The following CASK variants were observed in gnomAD, a reference collection of about 807,000 sequenced individuals.
The protein encoded by CASK is peripheral plasma membrane protein CASK.
In CASK, 4 loss-of-function variants were observed where a neutral mutation model predicts 82.9. The ratio of observed to expected loss-of-function variants is 0.05; its 90% CI spans 0.02 to 0.11. CASK has a LOEUF of 0.11. Ranked by LOEUF, CASK falls within the 10% of genes least tolerant of loss-of-function variation. The pLI, the probability that CASK is intolerant of heterozygous loss-of-function variation, is 1.00. For missense variants in CASK, 358 were observed against 720.9 expected (o/e 0.50, Z 5.76); for synonymous variants, 259 against 253.5 (o/e 1.02, Z -0.20).
At chrX:41,845,829 T>A (rs1255512802) in intron 2 of CASK, among the ~76,000 whole-genome samples, 1 of 111,970 alleles carries the variant, frequency 8.9e-6, no homozygotes, top group African/African-American at 3.2e-5. Context: ...AAATAGATAT[T>A]TTATGGTGTT....
intron 11 of CASK, among the ~76,000 whole-genome samples, chrX:41,612,068 G>A (rs1383371555): frequency 4.5e-5 from 5 of 111,184 alleles, no homozygotes; most frequent in Non-Finnish European, 9.5e-5. Context: ...CCTCCCAGCC[G>A]CCTGCCTTGG....
chrX:41,885,464 C>T (rs189352157), intron 1 of CASK, among the ~76,000 whole-genome samples: 108 of 111,821 alleles, frequency 9.7e-4, no homozygotes, highest in African/African-American at 3.3e-3. Flanking sequence ...TCACAAAAAA[C>T]CTGTTTTTTT....
intron 5 of CASK, among the ~76,000 whole-genome samples, chrX:41,705,468 T>A (rs771247916): frequency 1.2e-4 from 13 of 111,247 alleles, no homozygotes; most frequent in Admixed American, 1.9e-4. Flanking sequence ...GGTGGGAGGA[T>A]CACTTGAGCC....
chrX:41,607,499 C>T (rs750055590), intron 12 of CASK, among the ~76,000 whole-genome samples: 1 of 112,277 alleles, frequency 8.9e-6, no homozygotes, highest in Non-Finnish European at 1.9e-5. Context: ...ATTGCACTAA[C>T]TAGTTCTAGT....
intron 1 of CASK, among the ~76,000 whole-genome samples, chrX:41,875,745 G>A (rs2071804226): frequency 9.0e-6 from 1 of 111,306 alleles, no homozygotes; most frequent in Non-Finnish European, 1.9e-5. Context: ...ACTTAAAATA[G>A]TGGAAACCAT....
intron 3 of CASK, among the ~76,000 whole-genome samples, chrX:41,751,887 TA>T (rs985319590): frequency 9.4e-6 from 1 of 106,682 alleles, no homozygotes; most frequent in Non-Finnish European, 1.9e-5. Flanking sequence ...CTACAAAAAA[TA>T]AAAAAAAATT....
At chrX:41,864,532 A>C (rs1454910241) in intron 1 of CASK, among the ~76,000 whole-genome samples, 4 of 111,814 alleles carry the variant, frequency 3.6e-5, no homozygotes, top group African/African-American at 6.5e-5. Context: ...GATAATCTAA[A>C]TTTTAGTATT....
intron 8 of CASK, among the ~76,000 whole-genome samples, chrX:41,645,035 T>C (rs1248126680): frequency 9.0e-6 from 1 of 111,469 alleles, no homozygotes; most frequent in African/African-American, 3.3e-5. Flanking sequence ...AATATTCTAT[T>C]ACCCTGTTAA....
intron 5 of CASK, among the ~76,000 whole-genome samples, chrX:41,713,891 T>A (rs1208395160): frequency 9.0e-6 from 1 of 111,652 alleles, no homozygotes; most frequent in Non-Finnish European, 1.9e-5. Context: ...ATTCTGCTGT[T>A]CTCCTAACGG....
intron 5 of CASK, chrX:41,727,111 G>C: frequency 8.5e-7 from 1 of 1,176,096 alleles, no homozygotes; most frequent in Non-Finnish European, 1.2e-6. Context: ...TTGTATTGTT[G>C]GTGTTTTTGG....
intron 5 of CASK, chrX:41,729,781 AATATATATATATAT>A (rs55635208): frequency 2.6e-5 from 1 of 38,014 alleles, no homozygotes; most frequent in Non-Finnish European, 4.5e-5. Flanking sequence ...AAAAAAAAAA[AATATATATATATAT>A]ATATATATAT....
chrX:41,764,039 A>G lies in CASK; in HGVS notation c.279-18438T>C, dbSNP rs577820767. 2.7e-5 allele frequency among the ~76,000 whole-genome samples: 3 copies of G among 112,172 alleles called. No individual in the cohort carries two copies. In the South Asian group the frequency reaches 1.1e-3, roughly 42 times the overall value. Reference sequence around the variant, plus strand: ...CAGATAGGAATACCAAATGGCAGCAAAGAGATACCAATAGATACCAAAAGG... The same window carrying G: ...CAGATAGGAATACCAAATGGCAGCAGAGAGATACCAATAGATACCAAAAGG... On this transcript the variant is annotated intron_variant, in intron 3 of 26. Coordinates refer to ENST00000378163, the MANE Select transcript of CASK (RefSeq NM_001367721.1).
chrX:41,837,403 CAG>C (rs1219887577), intron 2 of CASK, among the ~76,000 whole-genome samples: 2 of 111,506 alleles, frequency 1.8e-5, no homozygotes, highest in East Asian at 2.8e-4. Context: ...ACCACCAAAA[CAG>C]AGATACAGAA....
At chrX:41,817,374 A>G (rs896665898) in intron 2 of CASK, among the ~76,000 whole-genome samples, 18 of 112,125 alleles carry the variant, frequency 1.6e-4, no homozygotes, top group Non-Finnish European at 1.5e-4. Context: ...CAGTCAGTGC[A>G]ATAAGGCCAG....
intron 14 of CASK, chrX:41,585,293 T>A (rs2065639708): frequency 8.8e-6 from 1 of 112,998 alleles, no homozygotes; most frequent in Admixed American, 9.3e-5. Flanking sequence ...GCTGTTACCA[T>A]AGAATAAAGT....
At chrX:41,839,704 C>T (rs62589203) in intron 2 of CASK, among the ~76,000 whole-genome samples, 17,931 of 110,810 alleles carry the variant, frequency 0.16, 1,405 homozygotes, top group Middle Eastern at 0.3. Flanking sequence ...AAGTGATCAA[C>T]TTTGCCTTAT....
intron 14 of CASK, 23 bp from the exon 15 acceptor site, chrX:41,578,551 A>G (rs1371423339): frequency 2.9e-6 from 3 of 1,050,937 alleles, no homozygotes; most frequent in Admixed American, 4.4e-5. Flanking sequence ...GAAGAAAAAA[A>G]TTATTAATAA....
chrX:41,902,141 T>C (rs892898278), intron 1 of CASK, among the ~76,000 whole-genome samples: 3 of 111,776 alleles, frequency 2.7e-5, no homozygotes, highest in African/African-American at 9.8e-5. Context: ...TATGTGTACA[T>C]ATATATTAGG....
chrX:41,906,261 A>T (rs959640014), intron 1 of CASK, among the ~76,000 whole-genome samples: 4 of 112,220 alleles, frequency 3.6e-5, no homozygotes, highest in Non-Finnish European at 7.5e-5. Context: ...TACAACAATG[A>T]CTATGATAGC....
Sources: allele counts gnomAD v4.1 joint callset (sites outside exome capture counted in the v4.1 genomes callset), GRCh38; gene constraint gnomAD v4.1.1; transcripts MANE v1.5; gene names NCBI Gene and HGNC (gene_info 2026-07-23, HGNC 2026-07-21).